The following PAK1 variants were observed in gnomAD, a reference collection of about 807,000 sequenced individuals.
PAK1 encodes the protein p21 (RAC1) activated kinase 1.
In PAK1, 29 loss-of-function variants were observed where a neutral mutation model predicts 67.4. The ratio of observed to expected loss-of-function variants is 0.43; its 90% CI spans 0.32 to 0.59. The LOEUF (loss-of-function observed/expected upper bound fraction) is 0.59. PAK1 is among the 20% of genes least tolerant of loss of function. The pLI, the probability that PAK1 is intolerant of heterozygous loss-of-function variation, is 0.07. For missense variants in PAK1, 337 were observed against 670.7 expected (o/e 0.50, Z 5.50); for synonymous variants, 223 against 237.4 (o/e 0.94, Z 0.56).
rs1223455923 is a variant in PAK1 at position 77,392,474 on chromosome 11, G to A, written c.47C>T (p.Pro16Leu). Reference sequence around the variant, plus strand: ...AATCATAGTGCTGGTATTTCTCATCGGAGGGGCTGGGGGTTTGTCTTGAAT... The same window carrying A: ...AATCATAGTGCTGGTATTTCTCATCAGAGGGGCTGGGGGTTTGTCTTGAAT... ...LDIQDKPPAP[P>L]MRNTSTMIGA... is the part of the protein sequence containing the mutation. Residue 16 changes from proline (P) to leucine (L), a missense_variant, in exon 2 of 15, where the codon CCG becomes CTG. Physicochemically the swap from Pro to Leu is moderately conservative, Grantham distance 98. This residue lies in a region of PAK1 where 27 missense variants were observed against 37.0 expected (regional missense o/e 0.73). Transcript: ENST00000356341. 5 of 1,613,622 alleles carry A rather than the reference G, an allele frequency of 3.1e-6. No homozygotes were observed. The highest frequency in any genetic ancestry group is 2.2e-5 in the East Asian group (1 of 44,876).
rs917038165 is a variant in PAK1, at chr11:77,360,769, G to A, written c.478-1752C>T. Among the ~76,000 whole-genome samples the A allele has an allele frequency of 2.0e-5, 3 of 152,074 alleles. No individual in the cohort carries two copies. In the East Asian group the frequency reaches 5.8e-4, roughly 29 times the overall value. On this transcript the variant is annotated intron_variant, in intron 5 of 14. Transcript: ENST00000356341. ...TTTACTTCTTAGCCCTGTGTCCTTG[G>A]GCAAGGGTCTAAGTTAAGTCTCACA...
chr11:77,507,522 T>A, the PAK1 span, among the ~76,000 whole-genome samples: 1 of 152,078 alleles, frequency 6.6e-6, no homozygotes, highest in Admixed American at 6.6e-5. Context: ...AAATCCAATA[T>A]ACTTTTTTTT....
intron 1 of PAK1, among the ~76,000 whole-genome samples, chr11:77,416,018 A>AGGCTGTGCAGGAGTG (rs1954932533): frequency 7.5e-6 from 1 of 133,680 alleles, no homozygotes; most frequent in Non-Finnish European, 1.6e-5. Flanking sequence ...TCACTCCGTC[A>AGGCTGTGCAGGAGTG]CCCAGGCAGG....
chr11:77,514,655 A>T, the PAK1 span, among the ~76,000 whole-genome samples: 1 of 152,222 alleles, frequency 6.6e-6, no homozygotes, highest in African/African-American at 2.4e-5. Context: ...CAGCTCACTA[A>T]GGGACAAGTG....
chr11:77,341,169 A>G (rs1009125623), intron 10 of PAK1, among the ~76,000 whole-genome samples: 5 of 152,174 alleles, frequency 3.3e-5, no homozygotes, highest in Non-Finnish European at 2.9e-5. Flanking sequence ...AAGAAGAGAG[A>G]GCTACTAAAC....
At chr11:77,326,563 T>C (rs1015540482) in intron 14 of PAK1, among the ~76,000 whole-genome samples, 5 of 152,262 alleles carry the variant, frequency 3.3e-5, no homozygotes, top group South Asian at 4.1e-4. Context: ...TGCACGCCTA[T>C]AGTCCCAGCT....
At position 77,400,965 on chromosome 11, in the gene PAK1, C is replaced by A. The variant is rs371743031; in HGVS notation, c.-21-8424G>T. Among the ~76,000 whole-genome samples, 453 of 152,268 alleles carry A rather than the reference C, an allele frequency of 3.0e-3. 5 individuals are homozygous for A. The highest frequency in any genetic ancestry group is 0.011 in the African/African-American group (440 of 41,554). On this transcript the variant is annotated intron_variant, in intron 1 of 14. Transcript: ENST00000356341. Reference sequence around the variant, plus strand: ...AGCTAGTGGGCAGCAGAGGCAGGAACCTGAAATTAGGCCTGTGTGGTGATA... The same window carrying A: ...AGCTAGTGGGCAGCAGAGGCAGGAAACTGAAATTAGGCCTGTGTGGTGATA...
intron 5 of PAK1, among the ~76,000 whole-genome samples, chr11:77,363,875 C>T (rs1308752782): frequency 6.6e-6 from 1 of 152,238 alleles, no homozygotes; most frequent in African/African-American, 2.4e-5. Context: ...AATAGAATCT[C>T]TGGCATTCTG....
chr11:77,507,977 C>T, the PAK1 span, among the ~76,000 whole-genome samples: 1 of 152,194 alleles, frequency 6.6e-6, no homozygotes, highest in Non-Finnish European at 1.5e-5. Context: ...CCAACATTTC[C>T]TTCATGCCCC....
At chr11:77,400,055 G>A (rs1952456807) in intron 1 of PAK1, among the ~76,000 whole-genome samples, 1 of 151,984 alleles carries the variant, frequency 6.6e-6, no homozygotes, top group Non-Finnish European at 1.5e-5. Flanking sequence ...AAATGTTGAG[G>A]AGGAAAACAT....
rs5792767 is a variant in PAK1 at position 77,423,402 on chromosome 11, T to TACACACAC, written c.-21-30869_-21-30862dup. Among the ~76,000 whole-genome samples the TACACACAC allele has an allele frequency of 2.0e-3, 277 of 137,016 alleles. 2 individuals carry two copies. The highest frequency in any genetic ancestry group is 5.5e-3 in the African/African-American group (206 of 37,260). The allele number at this position is 137,016 out of a possible 152,430, so 89.9% of individuals were successfully genotyped here. On this transcript the variant is annotated intron_variant, in intron 1 of 14. Coordinates refer to ENST00000356341, the MANE Select transcript of PAK1 (RefSeq NM_002576.5). Reference sequence around the variant, plus strand: ...AAATGGCTTTCAAGTTGCTTTCAAATACACACACACACACACACACACACA... The same window carrying TACACACAC: ...AAATGGCTTTCAAGTTGCTTTCAAATACACACACACACACACACACACACACACACACA...
At chr11:77,457,571 A>T (rs1451440902) in intron 1 of PAK1, among the ~76,000 whole-genome samples, 1 of 152,180 alleles carries the variant, frequency 6.6e-6, no homozygotes, top group Admixed American at 6.5e-5. Flanking sequence ...AGAGGCACAG[A>T]GAACAAAGGG....
intron 1 of PAK1, among the ~76,000 whole-genome samples, chr11:77,395,506 C>A (rs1166502348): frequency 6.6e-6 from 1 of 152,150 alleles, no homozygotes; most frequent in East Asian, 1.9e-4. Context: ...ATCAACTAAG[C>A]CACTACACCT....
At chr11:77,369,214 G>A (rs187526572) in intron 5 of PAK1, among the ~76,000 whole-genome samples, 4 of 151,902 alleles carry the variant, frequency 2.6e-5, no homozygotes, top group Non-Finnish European at 4.4e-5. Context: ...TATCTGACTT[G>A]GTCATTAACA....
At chr11:77,419,236 A>C (rs1463705983) in intron 1 of PAK1, among the ~76,000 whole-genome samples, 1 of 152,198 alleles carries the variant, frequency 6.6e-6, no homozygotes, top group African/African-American at 2.4e-5. Flanking sequence ...TTTAGAGATG[A>C]CTCTGTACAT....
chr11:77,359,091 C>G, intron 5 of PAK1, 74 bp from the exon 6 acceptor site: 6 of 1,417,826 alleles, frequency 4.2e-6, no homozygotes, highest in Non-Finnish European at 5.8e-6. Flanking sequence ...CACCAAACCT[C>G]CCACGAGAAA....
intron 8 of PAK1, among the ~76,000 whole-genome samples, chr11:77,350,946 A>T (rs1160301678): frequency 1.3e-5 from 2 of 152,098 alleles, no homozygotes; most frequent in Non-Finnish European, 2.9e-5. Context: ...AAGGACAAAC[A>T]TGCCCAAGCC....
intron 4 of PAK1, among the ~76,000 whole-genome samples, chr11:77,376,692 G>A (rs1020156357): frequency 2.7e-5 from 4 of 147,182 alleles, no homozygotes; most frequent in African/African-American, 5.0e-5. Context: ...AGCCGAGATC[G>A]CGCTGCTGCA....
chr11:77,511,149 C>A, the PAK1 span, among the ~76,000 whole-genome samples: 2 of 152,172 alleles, frequency 1.3e-5, no homozygotes, highest in African/African-American at 4.8e-5. Context: ...TTAGAATAAA[C>A]CATCTTCTTT....
Sources: allele counts gnomAD v4.1 joint callset (sites outside exome capture counted in the v4.1 genomes callset), GRCh38; gene constraint gnomAD v4.1.1; regional missense constraint gnomAD v4.1.1; transcripts MANE v1.5; gene names NCBI Gene and HGNC (gene_info 2026-07-23, HGNC 2026-07-21).